GLYATL1: variants seen among roughly 807,000 people sequenced by gnomAD.
The protein encoded by GLYATL1 is glycine-N-acyltransferase like 1, also known as glycine N-acyltransferase-like protein 1.
Under a neutral mutation model 20.0 loss-of-function variants are expected in GLYATL1, and 15 were observed. The observed-to-expected ratio is 0.75, with a 90% confidence interval of 0.50 to 1.15. The LOEUF (loss-of-function observed/expected upper bound fraction) is 1.15, where lower values mean the gene tolerates loss of function less well. Ranked by LOEUF, GLYATL1 falls within the 50% of genes most tolerant of loss-of-function variation. The pLI is 0.00. For missense variants in GLYATL1, 380 were observed against 368.5 expected, an observed-to-expected ratio of 1.03 and a Z score of -0.26; for synonymous variants, 151 against 131.5, an observed-to-expected ratio of 1.15 and a Z score of -1.01.
At chr11:58,929,914 G>A (rs1855537497) in intron 1 of GLYATL1, among the ~76,000 whole-genome samples, 1 of 152,186 alleles carries the variant, frequency 6.6e-6, no homozygotes, top group Non-Finnish European at 1.5e-5. Flanking sequence ...GTAAGCTGGG[G>A]CAGTCTTAGA....
chr11:58,908,794 C>G (rs1022095023), downstream of GLYATL1, among the ~76,000 whole-genome samples: 6 of 152,164 alleles, frequency 3.9e-5, no homozygotes, highest in Admixed American at 3.3e-4. Flanking sequence ...CACTTAAAAT[C>G]ATGGAAAGTA....
Position 58,955,324 on chromosome 11 carries a change from G to T in GLYATL1, c.462G>T (p.Glu154Asp). 1.2e-6 allele frequency: 2 copies of T among 1,614,028 alleles called. No homozygotes were observed. Among genetic ancestry groups the T allele is most frequent in the African/African-American group, 2.7e-5 (2 of 75,038 alleles). The change falls in exon 6 of 7, where the codon GAG becomes GAT. Residue 154 changes from glutamate to aspartate, a missense_variant. Glu to Asp is a conservative substitution (Grantham distance 45). Coordinates refer to ENST00000532726, the MANE Select transcript of GLYATL1 (RefSeq NM_001389712.2). Reference sequence around the variant, plus strand: ...AAAGCAAGCTTGGAAGCTGGGCTGAGACAGGCCACCCAGATGATGAATTTG... The same window carrying T: ...AAAGCAAGCTTGGAAGCTGGGCTGATACAGGCCACCCAGATGATGAATTTG... The part of the protein sequence containing the change: ...SSKSKLGSWA[E>D]TGHPDDEFES...
At chr11:58,940,865 A>C (rs1856090028) in intron 1 of GLYATL1, among the ~76,000 whole-genome samples, 1 of 152,218 alleles carries the variant, frequency 6.6e-6, no homozygotes, top group African/African-American at 2.4e-5. Context: ...TACTCAGGAG[A>C]CTGAGATTGG....
chr11:58,909,316 C>T (rs960497409), downstream of GLYATL1, among the ~76,000 whole-genome samples: 2 of 152,128 alleles, frequency 1.3e-5, no homozygotes, highest in Admixed American at 6.5e-5. Context: ...AAGATCTGTA[C>T]AGCATGGTGC....
At chr11:58,911,633 A>T (rs1855046431), downstream of GLYATL1, among the ~76,000 whole-genome samples, 1 of 152,156 alleles carries the variant, frequency 6.6e-6, no homozygotes, top group Non-Finnish European at 1.5e-5. Context: ...GTCTATTAAA[A>T]TATTTTGCCC....
chr11:58,916,955 A>G (rs1590768604), intron 1 of GLYATL1: 4 of 152,182 alleles, frequency 2.6e-5, no homozygotes, highest in Non-Finnish European at 4.4e-5. Flanking sequence ...TCCTACATAA[A>G]TCATATAGTG....
chr11:58,905,594 T>G (rs1854848426), exon 1 of GLYATL1: 1 of 456,168 alleles, frequency 2.2e-6, no homozygotes, highest in Non-Finnish European at 4.4e-6. Flanking sequence ...CCTCCTTGGC[T>G]TCCACTGGGA....
In GLYATL1 at chr11:58,956,117, A is replaced by T; in HGVS notation, c.*90A>T. On this transcript the variant is annotated 3_prime_UTR_variant, in exon 7 of 7. Transcript: ENST00000532726. ...TAGATTTCTTCACTTACAAATGCAT[A>T]TTGGGCACTTATAATACAGCAGGAA... The T allele has an allele frequency of 8.7e-7, 1 of 1,143,478 alleles. No homozygotes were observed. Among genetic ancestry groups the T allele is most frequent in the Non-Finnish European group, 1.3e-6 (1 of 789,574 alleles). 70.8% of individuals were successfully genotyped at this position (1,143,478 alleles called of 1,614,324 possible). A position where few individuals can be genotyped will look rare whatever the true frequency, so the allele number is the denominator to read the frequency against.
chr11:58,911,746 G>T (rs1332719102), downstream of GLYATL1, among the ~76,000 whole-genome samples: 1 of 152,124 alleles, frequency 6.6e-6, no homozygotes, highest in Admixed American at 6.5e-5. Flanking sequence ...TGTGATATTT[G>T]CTGATTCTTA....
At chr11:58,929,122 G>C (rs1354015563) in intron 1 of GLYATL1, among the ~76,000 whole-genome samples, 1 of 152,200 alleles carries the variant, frequency 6.6e-6, no homozygotes, top group African/African-American at 2.4e-5. Flanking sequence ...CATCCTGTGT[G>C]AATCCCAACA....
upstream of GLYATL1, among the ~76,000 whole-genome samples, chr11:58,926,994 ACAGT>A (rs1241331896): frequency 6.6e-6 from 1 of 152,198 alleles, no homozygotes; most frequent in African/African-American, 2.4e-5. Flanking sequence ...GTGGGTTAAG[ACAGT>A]CATTCATGCA....
At chr11:58,937,218 A>T (rs693161), upstream of GLYATL1, among the ~76,000 whole-genome samples, 5,548 of 152,270 alleles carry the variant, frequency 0.036, 315 homozygotes, top group African/African-American at 0.12. Flanking sequence ...CTCTGACTGC[A>T]TTAACAACCC....
At chr11:58,945,393 A>C (rs1011946579) in intron 2 of GLYATL1, among the ~76,000 whole-genome samples, 6 of 152,144 alleles carry the variant, frequency 3.9e-5, no homozygotes, top group Non-Finnish European at 8.8e-5. Flanking sequence ...TCACAAGAGC[A>C]ATATTAAGTA....
At chr11:58,946,974 T>C in intron 2 of GLYATL1, 72 bp from the exon 3 acceptor site, 1 of 1,045,550 alleles carries the variant, frequency 9.6e-7, no homozygotes, top group Non-Finnish European at 1.5e-6. Context: ...GTTACTTGAA[T>C]GGAGATGTAT....
chr11:58,936,328 C>CA (rs1855833766), upstream of GLYATL1, among the ~76,000 whole-genome samples: 1 of 152,222 alleles, frequency 6.6e-6, no homozygotes, highest in Non-Finnish European at 1.5e-5. Flanking sequence ...TCTTACAATA[C>CA]AAAGAACAAT....
chr11:58,954,744 AC>A (rs1162386739), intron 4 of GLYATL1, 25 bp from the exon 5 acceptor site: 1 of 1,563,718 alleles, frequency 6.4e-7, no homozygotes, highest in Non-Finnish European at 8.6e-7. Flanking sequence ...CAAGGGAATG[AC>A]CTGATCTTAT....
intron 1 of GLYATL1, among the ~76,000 whole-genome samples, chr11:58,932,211 G>A (rs1457634150): frequency 1.3e-5 from 2 of 149,118 alleles, no homozygotes; most frequent in African/African-American, 4.9e-5. Context: ...AACTACTGTT[G>A]AAACCCTCAA....
chr11:58,945,753 C>T (rs1268770719), intron 2 of GLYATL1, among the ~76,000 whole-genome samples: 2 of 151,854 alleles, frequency 1.3e-5, no homozygotes, highest in Non-Finnish European at 2.9e-5. Flanking sequence ...TTGACAGCTA[C>T]AAGAACAGCA....
chr11:58,924,199 A>G (rs192875784), upstream of GLYATL1, among the ~76,000 whole-genome samples: 544 of 152,318 alleles, frequency 3.6e-3, 1 homozygote, highest in African/African-American at 0.013. Context: ...GAATAAACAC[A>G]CTTATGGATA....
Sources: allele counts gnomAD v4.1 joint callset (sites outside exome capture counted in the v4.1 genomes callset), GRCh38; gene constraint gnomAD v4.1.1; transcripts MANE v1.5; gene names NCBI Gene and HGNC (gene_info 2026-07-23, HGNC 2026-07-21).